Variants in MTF2 observed in about 807,000 individuals in gnomAD.
The protein encoded by MTF2 is metal-response element-binding transcription factor 2.
A neutral mutation model predicts 79.5 loss-of-function variants in MTF2; 11 were observed. The observed-to-expected ratio is 0.14, with a 90% CI of 0.09 to 0.23. The LOEUF (loss-of-function observed/expected upper bound fraction) is 0.23, where lower values mean the gene tolerates loss of function less well. Among genes scored for constraint, MTF2 ranks in the 10% least tolerant of loss-of-function variants. The probability of loss-of-function intolerance (pLI) is 1.00; values close to 1 mark genes in which losing one functional copy is unlikely to be tolerated. For synonymous variants in MTF2, 208 were observed against 232.8 expected, an observed-to-expected ratio of 0.89 and a Z score of 0.97; for missense variants, 486 against 711.2, an observed-to-expected ratio of 0.68 and a Z score of 3.60.
At chr1:93,117,174 G>T (rs894043799) in intron 6 of MTF2, among the ~76,000 whole-genome samples, 1 of 152,006 alleles carries the variant, frequency 6.6e-6, no homozygotes, top group Non-Finnish European at 1.5e-5. Flanking sequence ...ATTATTTTCC[G>T]ATAAAGATAA....
chr1:93,114,906 A>C, intron 4 of MTF2, 82 bp from the exon 5 acceptor site: 1 of 1,253,706 alleles, frequency 8.0e-7, no homozygotes, highest in East Asian at 2.5e-5. Context: ...TAATGTAGGA[A>C]ATAATGCTAA....
In MTF2 at chr1:93,136,694, G is replaced by A. The variant is rs759194438; in HGVS notation, c.1449G>A (p.Thr483=). ...HYGLSDSRKR[T]RTGRSWPAAI... ...GATTATCTGACTCCAGAAAAAGAAC[G>A]CGTACAGGAAGATCTTGGCCTGCTG... Residue 483 remains threonine, a synonymous_variant, in exon 15 of 15, where the codon ACG becomes ACA. Coordinates refer to ENST00000370298, the MANE Select transcript of MTF2 (RefSeq NM_007358.4). 1.4e-5 allele frequency: 22 copies of A among 1,613,240 alleles called. No individual in the cohort carries two copies. Among genetic ancestry groups the A allele is most frequent in the Middle Eastern group, 1.6e-4 (1 of 6,076 alleles).
chr1:93,132,920 C>T (rs1025440492), intron 11 of MTF2, among the ~76,000 whole-genome samples: 3 of 152,048 alleles, frequency 2.0e-5, no homozygotes, highest in African/African-American at 7.2e-5. Flanking sequence ...TCCATATTAT[C>T]TAATATCATC....
chr1:93,103,545 ATATG>A (rs1655635617), intron 1 of MTF2, among the ~76,000 whole-genome samples: 1 of 152,020 alleles, frequency 6.6e-6, no homozygotes, highest in Admixed American at 6.6e-5. Context: ...TGAATTATAA[ATATG>A]TAGTACAAAT....
chr1:93,090,404 G>A (rs554188175), intron 1 of MTF2, among the ~76,000 whole-genome samples: 28 of 151,906 alleles, frequency 1.8e-4, no homozygotes, highest in Middle Eastern at 3.5e-3. Context: ...GAGCCACTGC[G>A]CCTGGCCAAT....
intron 9 of MTF2, 120 bp from the exon 10 acceptor site, chr1:93,127,112 A>C: frequency 1.5e-6 from 1 of 663,958 alleles, no homozygotes; most frequent in Non-Finnish European, 2.7e-6. Flanking sequence ...ATTAGAACTT[A>C]GATCTTCTGA....
chr1:93,115,672 A>C, intron 6 of MTF2, 54 bp downstream of exon 6: 1 of 1,396,618 alleles, frequency 7.2e-7, no homozygotes, highest in Non-Finnish European at 9.5e-7. Context: ...TTACTTATCT[A>C]TTTTTCTTGA....
At chr1:93,128,979 A>G (rs1656814336) in intron 10 of MTF2, 1 of 202,930 alleles carries the variant, frequency 4.9e-6, no homozygotes, top group Non-Finnish European at 9.8e-6. Context: ...GCATATTGGG[A>G]CCAAAAATAT....
At chr1:93,100,362 T>C (rs933398181) in intron 1 of MTF2, among the ~76,000 whole-genome samples, 3 of 152,202 alleles carry the variant, frequency 2.0e-5, no homozygotes, top group Non-Finnish European at 4.4e-5. Context: ...TGGAGTGCAG[T>C]GGCATGATCT....
At chr1:93,124,057 T>TATCA (rs1418423918) in intron 9 of MTF2, among the ~76,000 whole-genome samples, 1 of 152,050 alleles carries the variant, frequency 6.6e-6, no homozygotes, top group East Asian at 1.9e-4. Flanking sequence ...AACATTCATG[T>TATCA]ATCATATTTT....
chr1:93,119,414 C>T lies in MTF2; in HGVS notation c.797+13C>T. On this transcript the variant is annotated intron_variant, in intron 8 of 14. Coordinates refer to ENST00000370298, the MANE Select transcript of MTF2 (RefSeq NM_007358.4). ...TACCATTACAGTGGTAAGTGTGGAC[C>T]TTTCTGTTAAAAGAAAGAAAAGCCA... 6.4e-7 allele frequency: 1 copy of T among 1,563,394 alleles called. No individual in the cohort carries two copies. The highest frequency in any genetic ancestry group is 2.3e-5 in the East Asian group (1 of 43,930).
intron 1 of MTF2, among the ~76,000 whole-genome samples, chr1:93,084,732 G>A (rs576772562): frequency 5.3e-5 from 8 of 152,172 alleles, no homozygotes; most frequent in East Asian, 1.9e-4. Flanking sequence ...AGCCAGGCAC[G>A]GTGGTCCCAG....
Position 93,079,512 on chromosome 1 carries a change from C to T in MTF2, c.-15C>T, listed in dbSNP as rs2101004742. ...TTTTCCTGTATGAAGCGGTTGGCAC[C>T]ACTGAAGTGACCGAATGAGGTGAGA... On this transcript the variant is annotated 5_prime_UTR_variant, in exon 1 of 15. Transcript: ENST00000370298. 2 of 1,613,928 alleles carry T rather than the reference C, an allele frequency of 1.2e-6. No homozygotes were observed. The highest frequency in any genetic ancestry group is 1.7e-6 in the Non-Finnish European group (2 of 1,180,004).
chr1:93,090,751 C>G (rs867182148), intron 1 of MTF2, among the ~76,000 whole-genome samples: 4 of 150,882 alleles, frequency 2.7e-5, no homozygotes, highest in Non-Finnish European at 5.9e-5. Flanking sequence ...GCAAGCTCTG[C>G]CTCCCAGGTT....
At chr1:93,090,193 G>T (rs1571216946) in intron 1 of MTF2, among the ~76,000 whole-genome samples, 1 of 152,062 alleles carries the variant, frequency 6.6e-6, no homozygotes, top group East Asian at 1.9e-4. Flanking sequence ...AGACAGGATG[G>T]TCTCCATCTC....
intron 1 of MTF2, among the ~76,000 whole-genome samples, chr1:93,096,443 A>G (rs1335982995): frequency 6.6e-6 from 1 of 152,120 alleles, no homozygotes; most frequent in African/African-American, 2.4e-5. Context: ...GACGTCATGA[A>G]TAATATTTCC....
chr1:93,119,270 A>G (rs753500849), intron 7 of MTF2, 63 bp from the exon 8 acceptor site: 66 of 1,154,758 alleles, frequency 5.7e-5, no homozygotes, highest in Non-Finnish European at 7.4e-5. Flanking sequence ...AATATTAGCT[A>G]TAATTGTTAG....
Position 93,079,462 on chromosome 1 carries a change from C to T in MTF2, c.-65C>T. On this transcript the variant is annotated 5_prime_UTR_variant, in exon 1 of 15. Transcript: ENST00000370298. The stretch of plus-strand genomic sequence containing the variant: ...TAAGTGCTCGGACTCGCAGGGGAAG[C>T]GCCCACGGGGACGGATTGGTTGTTT... 6.2e-7 allele frequency: 1 copy of T among 1,610,288 alleles called. No homozygotes were observed. Among genetic ancestry groups the T allele is most frequent in the Non-Finnish European group, 8.5e-7 (1 of 1,177,278 alleles).
chr1:93,125,666 T>C (rs1418566770), intron 9 of MTF2, among the ~76,000 whole-genome samples: 1 of 151,886 alleles, frequency 6.6e-6, no homozygotes, highest in African/African-American at 2.4e-5. Flanking sequence ...GATACTCAAT[T>C]TGATAGCAGT....
Sources: allele counts gnomAD v4.1 joint callset (sites outside exome capture counted in the v4.1 genomes callset), GRCh38; gene constraint gnomAD v4.1.1; transcripts MANE v1.5; gene names NCBI Gene and HGNC (gene_info 2026-07-23, HGNC 2026-07-21).